NRXN1: variants seen among roughly 807,000 people sequenced by gnomAD.
NRXN1 encodes the protein neurexin 1.
In NRXN1, 39 loss-of-function variants were observed where a neutral mutation model predicts 150.9. That is an observed-to-expected ratio of 0.26 (90% confidence interval 0.20 to 0.34). The LOEUF (loss-of-function observed/expected upper bound fraction) is 0.34, where lower values mean the gene tolerates loss of function less well. Among genes scored for constraint, NRXN1 ranks in the 10% least tolerant of loss-of-function variants. The pLI is 1.00. For synonymous variants in NRXN1, 924 were observed against 757.0 expected, an observed-to-expected ratio of 1.22 and a Z score of -3.62; for missense variants, 1,815 against 1,949.9, an observed-to-expected ratio of 0.93 and a Z score of 1.30.
intron 21 of NRXN1, among the ~76,000 whole-genome samples, chr2:49,991,328 A>T (rs1681914732): frequency 6.6e-6 from 1 of 152,186 alleles, no homozygotes; most frequent in Non-Finnish European, 1.5e-5. Context: ...TATGCAGAAC[A>T]TCTGAAAGAA....
intron 18 of NRXN1, among the ~76,000 whole-genome samples, chr2:50,212,044 A>T (rs879721967): frequency 0.015 from 2,332 of 151,722 alleles, 167 homozygotes; most frequent in Admixed American, 0.12. Context: ...TGGCAAACTA[A>T]ATCCACTATA....
chr2:50,222,975 A>T (rs576963820), intron 18 of NRXN1, among the ~76,000 whole-genome samples: 9 of 151,938 alleles, frequency 5.9e-5, no homozygotes, highest in Non-Finnish European at 1.3e-4. Context: ...AAATTTTTCA[A>T]TACAAATTTT....
chr2:50,169,341 A>C (rs1285767606), intron 18 of NRXN1, among the ~76,000 whole-genome samples: 1 of 152,182 alleles, frequency 6.6e-6, no homozygotes, highest in Non-Finnish European at 1.5e-5. Context: ...ACCTTGCCCC[A>C]GTGGAAAAAG....
Position 50,683,646 on chromosome 2 carries a change from A to AAAAAAAAAAAAAAAAAAAAATAT in NRXN1, c.833-60032_833-60031insATATTTTTTTTTTTTTTTTTTTT. Among the ~76,000 whole-genome samples, 4 of 14,906 alleles carry AAAAAAAAAAAAAAAAAAAAATAT rather than the reference A, an allele frequency of 2.7e-4. 1 individual carries two copies. Among genetic ancestry groups the AAAAAAAAAAAAAAAAAAAAATAT allele is most frequent in the African/African-American group, 1.4e-3 (4 of 2,780 alleles). 9.8% of individuals were successfully genotyped at this position (14,906 alleles called of 152,430 possible). On this transcript the variant is annotated intron_variant, in intron 5 of 22. Transcript: ENST00000401669. ...GACTCCGTCTCAAAAAAAAAAAAAAAATATATATATATATATATATGTTAT... is the reference window on the plus strand; with the variant it reads ...GACTCCGTCTCAAAAAAAAAAAAAAAAAAAAAAAAAAAAAAAAAAATATATATATATATATATATATATGTTAT...
intron 17 of NRXN1, among the ~76,000 whole-genome samples, chr2:50,348,586 G>GC (rs761062308): frequency 1.3e-5 from 2 of 152,150 alleles, no homozygotes; most frequent in African/African-American, 4.8e-5. Flanking sequence ...TAAATCTAGT[G>GC]CCCCCAAGGG....
chr2:51,021,077 TGG>T (rs1669528110), intron 2 of NRXN1, among the ~76,000 whole-genome samples: 1 of 151,908 alleles, frequency 6.6e-6, no homozygotes. Flanking sequence ...GAAAAGGAAC[TGG>T]GCCACAAAAT....
intron 21 of NRXN1, among the ~76,000 whole-genome samples, chr2:50,026,912 G>A (rs1179017563): frequency 9.6e-5 from 9 of 94,024 alleles, no homozygotes; most frequent in South Asian, 3.5e-4. Flanking sequence ...ACGGAGTCTC[G>A]TTCTGTCACC....
At chr2:51,006,192 A>T (rs1398327645) in intron 2 of NRXN1, among the ~76,000 whole-genome samples, 1 of 151,744 alleles carries the variant, frequency 6.6e-6, no homozygotes, top group East Asian at 2.0e-4. Context: ...TTTCCTTTCC[A>T]TTTAAGACCT....
At chr2:50,043,440 T>C (rs1205163317) in intron 21 of NRXN1, among the ~76,000 whole-genome samples, 3 of 152,192 alleles carry the variant, frequency 2.0e-5, no homozygotes, top group African/African-American at 4.8e-5. Flanking sequence ...TCAGACTTGG[T>C]AATGTCACCA....
intron 8 of NRXN1, among the ~76,000 whole-genome samples, chr2:50,561,283 C>A (rs964606356): frequency 2.6e-5 from 4 of 152,142 alleles, no homozygotes; most frequent in Non-Finnish European, 5.9e-5. Flanking sequence ...AGCAGAATAA[C>A]CTGAGTTTCA....
rs541970828 is a variant in NRXN1, at chr2:50,439,710, G to T, written c.3364+25732C>A. ...CGGGTACCTGTAGTCCCAGCTACTC[G>T]GGAGGCTGAGGCAGGAGAATGGCGT... is the stretch of plus-strand genomic sequence containing the variant. On this transcript the variant is annotated intron_variant, in intron 17 of 22. Coordinates refer to ENST00000401669, the MANE Select transcript of NRXN1 (RefSeq NM_001330078.2). Among the ~76,000 whole-genome samples the T allele has an allele frequency of 3.9e-3, 592 of 151,828 alleles. 3 individuals carry two copies. The highest frequency in any genetic ancestry group is 0.014 in the African/African-American group (579 of 41,414).
chr2:50,913,095 A>G (rs776744353), intron 5 of NRXN1: 4 of 151,888 alleles, frequency 2.6e-5, no homozygotes, highest in Non-Finnish European at 4.4e-5. Context: ...GCTGACTGCC[A>G]GACAAGGTAT....
At chr2:50,025,656 C>G (rs1688171738) in intron 21 of NRXN1, among the ~76,000 whole-genome samples, 1 of 152,160 alleles carries the variant, frequency 6.6e-6, no homozygotes, top group East Asian at 1.9e-4. Context: ...AAACACATTT[C>G]TGGAAGTAAT....
intron 21 of NRXN1, among the ~76,000 whole-genome samples, chr2:49,961,316 G>A (rs1049612362): frequency 3.5e-5 from 5 of 144,416 alleles, no homozygotes; most frequent in African/African-American, 5.4e-5. Flanking sequence ...GCCTGCGCAC[G>A]CATGCACACA....
At chr2:50,634,489 T>C (rs936442033) in intron 5 of NRXN1, among the ~76,000 whole-genome samples, 1 of 152,208 alleles carries the variant, frequency 6.6e-6, no homozygotes, top group African/African-American at 2.4e-5. Context: ...TTTTAAAGAC[T>C]GTCAATCCAT....
intron 2 of NRXN1, among the ~76,000 whole-genome samples, chr2:50,939,210 CAAAAAAAA>C (rs78496825): frequency 5.9e-5 from 4 of 68,314 alleles, no homozygotes; most frequent in African/African-American, 1.0e-4. Flanking sequence ...GACTCCATCT[CAAAAAAAA>C]AAAAAAAAAA....
intron 17 of NRXN1, among the ~76,000 whole-genome samples, chr2:50,327,679 T>C (rs1459420858): frequency 1.3e-5 from 2 of 151,460 alleles, no homozygotes; most frequent in Non-Finnish European, 2.9e-5. Context: ...TGACAGAGTC[T>C]CGCTCTTTCA....
intron 8 of NRXN1, among the ~76,000 whole-genome samples, chr2:50,596,266 T>A (rs1183466438): frequency 6.6e-6 from 1 of 152,164 alleles, no homozygotes; most frequent in Non-Finnish European, 1.5e-5. Flanking sequence ...CAAAGATGCT[T>A]CCACTACCTT....
At chr2:50,953,214 C>A (rs1423531723) in intron 2 of NRXN1, among the ~76,000 whole-genome samples, 1 of 152,140 alleles carries the variant, frequency 6.6e-6, no homozygotes, top group Non-Finnish European at 1.5e-5. Context: ...CTGATTTAGC[C>A]ATTTATTATT....
Sources: gnomAD v4.1 joint callset for allele counts (sites outside exome capture counted in the v4.1 genomes callset) on GRCh38, gnomAD v4.1.1 for gene constraint, MANE v1.5 for transcripts, NCBI Gene and HGNC (gene_info 2026-07-23, HGNC 2026-07-21) for gene names.